Variants in TMPRSS11E observed in about 807,000 individuals in gnomAD.
TMPRSS11E encodes transmembrane protease serine 11E.
A neutral mutation model predicts 48.1 loss-of-function variants in TMPRSS11E; 38 were observed. That is an observed-to-expected ratio of 0.79 (90% CI 0.61 to 1.04). The LOEUF (loss-of-function observed/expected upper bound fraction) is 1.04, where lower values mean the gene tolerates loss of function less well. Among genes scored for constraint, TMPRSS11E ranks in the 50% least tolerant of loss-of-function variants. The pLI is 0.00. For synonymous variants in TMPRSS11E, 158 were observed against 171.9 expected, an observed-to-expected ratio of 0.92 and a Z score of 0.63; for missense variants, 530 against 510.8, an observed-to-expected ratio of 1.04 and a Z score of -0.36.
chr4:68,484,217 T>A (rs1046843069), intron 9 of TMPRSS11E, among the ~76,000 whole-genome samples: 2 of 152,246 alleles, frequency 1.3e-5, no homozygotes, highest in African/African-American at 4.8e-5. Flanking sequence ...ATCTGTAAAT[T>A]TCTTTGAGCA....
rs149076022 is a variant in TMPRSS11E at position 68,470,381 on chromosome 4, G to A, written c.327-1079G>A. 4.7e-3 allele frequency among the ~76,000 whole-genome samples: 721 copies of A among 151,804 alleles called. 5 individuals are homozygous for A. The highest frequency in any genetic ancestry group is 0.017 in the African/African-American group (689 of 41,478). On this transcript the variant is annotated intron_variant, in intron 4 of 9. Coordinates refer to ENST00000305363, the MANE Select transcript of TMPRSS11E (RefSeq NM_014058.4). The stretch of plus-strand genomic sequence containing the variant: ...AAGAAGTTTCAAAGAGAGTGTGGTC[G>A]GCATTGACAAATATTCCTGACTGAG...
At chr4:68,491,591 C>T (rs961860217) in intron 9 of TMPRSS11E, among the ~76,000 whole-genome samples, 1 of 152,078 alleles carries the variant, frequency 6.6e-6, no homozygotes. Flanking sequence ...TTGGTGGATA[C>T]AAAAATTTTG....
chr4:68,477,792 C>T (rs1308234796), intron 8 of TMPRSS11E, among the ~76,000 whole-genome samples, 164 bp downstream of exon 8: 1 of 152,156 alleles, frequency 6.6e-6, no homozygotes, highest in Non-Finnish European at 1.5e-5. Flanking sequence ...ACAAAAATTC[C>T]TTCCTGCCTA....
intron 9 of TMPRSS11E, among the ~76,000 whole-genome samples, chr4:68,493,310 T>C (rs1026369502): frequency 7.9e-5 from 12 of 152,216 alleles, no homozygotes; most frequent in African/African-American, 7.2e-5. Context: ...CCAGATGTTA[T>C]ATACTTTCAT....
At chr4:68,478,762 C>A in intron 8 of TMPRSS11E, 87 bp from the exon 9 acceptor site, 2 of 1,462,956 alleles carry the variant, frequency 1.4e-6, no homozygotes, top group Admixed American at 1.8e-5. Flanking sequence ...GCCTGTATCA[C>A]CATCTTATTC....
intron 5 of TMPRSS11E, among the ~76,000 whole-genome samples, 180 bp from the exon 6 acceptor site, chr4:68,474,543 C>T (rs762309832): frequency 2.0e-5 from 3 of 152,046 alleles, no homozygotes; most frequent in Non-Finnish European, 2.9e-5. Context: ...TTTAACACAC[C>T]GTTCACATTC....
chr4:68,461,377 T>C (rs1353444878), intron 1 of TMPRSS11E, among the ~76,000 whole-genome samples: 1 of 152,210 alleles, frequency 6.6e-6, no homozygotes, highest in Non-Finnish European at 1.5e-5. Context: ...AAAGGCTATT[T>C]AAGATTCTAG....
At chr4:68,476,223 A>G (rs1464079044) in intron 6 of TMPRSS11E, 38 bp from the exon 7 acceptor site, 2 of 1,612,376 alleles carry the variant, frequency 1.2e-6, no homozygotes, top group Admixed American at 1.7e-5. Flanking sequence ...CTGCTAATTA[A>G]TGCACCCACC....
At chr4:68,496,610 T>A (rs770208280) in intron 9 of TMPRSS11E, 33 bp from the exon 10 acceptor site, 20 of 1,593,176 alleles carry the variant, frequency 1.3e-5, no homozygotes, top group Middle Eastern at 1.7e-4. Flanking sequence ...ATGAACTGAA[T>A]TATGAATTAC....
chr4:68,460,941 C>T (rs1728772941), intron 1 of TMPRSS11E, among the ~76,000 whole-genome samples: 1 of 149,814 alleles, frequency 6.7e-6, no homozygotes, highest in Non-Finnish European at 1.5e-5. Context: ...AGTGCAGTGG[C>T]CCGATCTTAG....
chr4:68,447,622 AT>A (rs1198404341), intron 1 of TMPRSS11E, 99 bp downstream of exon 1: 10 of 871,798 alleles, frequency 1.1e-5, no homozygotes, highest in Admixed American at 2.8e-5. Flanking sequence ...ACAGTTTATT[AT>A]TTTTTTAAAT....
At chr4:68,490,157 A>G (rs1334820647) in intron 9 of TMPRSS11E, among the ~76,000 whole-genome samples, 2 of 152,086 alleles carry the variant, frequency 1.3e-5, no homozygotes, top group African/African-American at 4.8e-5. Flanking sequence ...AACCCTGTGC[A>G]GGGTTACCAG....
In TMPRSS11E at chr4:68,473,735, A is replaced by G. The variant is rs377132767; in HGVS notation, c.491-988A>G. Among the ~76,000 whole-genome samples the G allele has an allele frequency of 3.9e-5, 6 of 152,250 alleles. No individual in the cohort carries two copies. The East Asian group carries it at 7.7e-4, about 20-fold the overall frequency. ...GAAGCCAGCCTTGTCAGTGCTATCA[A>G]TACTCAGAGCTTGACATTTTCCTAG... On this transcript the variant is annotated intron_variant, in intron 5 of 9. Transcript: ENST00000305363.
intron 9 of TMPRSS11E, among the ~76,000 whole-genome samples, chr4:68,486,264 G>A (rs1329661772): frequency 1.3e-5 from 2 of 152,144 alleles, no homozygotes; most frequent in African/African-American, 2.4e-5. Flanking sequence ...ATATCTTTTC[G>A]ATGTTGGCAT....
intron 9 of TMPRSS11E, among the ~76,000 whole-genome samples, chr4:68,494,384 T>A (rs1729813101): frequency 6.6e-6 from 1 of 151,958 alleles, no homozygotes; most frequent in Non-Finnish European, 1.5e-5. Flanking sequence ...ACTATTAGAG[T>A]TTTTTTTACT....
chr4:68,479,520 A>G (rs1578141959), intron 9 of TMPRSS11E, among the ~76,000 whole-genome samples: 1 of 149,668 alleles, frequency 6.7e-6, no homozygotes, highest in East Asian at 1.9e-4. Flanking sequence ...CATACATAAC[A>G]TCACTGTCTA....
At chr4:68,467,712 G>A (rs1381346547) in intron 3 of TMPRSS11E, among the ~76,000 whole-genome samples, 1 of 152,188 alleles carries the variant, frequency 6.6e-6, no homozygotes, top group African/African-American at 2.4e-5. Flanking sequence ...TGGGGATTTG[G>A]CCACCTTGCT....
At chr4:68,482,542 C>A (rs1447732438) in intron 9 of TMPRSS11E, among the ~76,000 whole-genome samples, 1 of 136,922 alleles carries the variant, frequency 7.3e-6, no homozygotes, top group Admixed American at 8.4e-5. Flanking sequence ...TTTCTTGAGC[C>A]CAGGAGTTTG....
chr4:68,470,127 G>C (rs1174914911), intron 4 of TMPRSS11E, among the ~76,000 whole-genome samples: 2 of 151,758 alleles, frequency 1.3e-5, no homozygotes, highest in Admixed American at 1.3e-4. Context: ...CTCAGTAGAG[G>C]GAAATGGAAC....
Sources: allele counts gnomAD v4.1 joint callset (sites outside exome capture counted in the v4.1 genomes callset), GRCh38; gene constraint gnomAD v4.1.1; transcripts MANE v1.5; gene names NCBI Gene and HGNC (gene_info 2026-07-23, HGNC 2026-07-21).